Variants in UGT2A2 observed in about 807,000 individuals in gnomAD.
UGT2A2 encodes the protein UDP glucuronosyltransferase family 2 member A2.
In UGT2A2, 60 loss-of-function variants were observed where a neutral mutation model predicts 50.7. The observed-to-expected ratio is 1.18, with a 90% CI of 0.96 to 1.47. UGT2A2 has a LOEUF of 1.47. Ranked by LOEUF, UGT2A2 falls within the 40% of genes most tolerant of loss-of-function variation. The pLI, the probability that UGT2A2 is intolerant of heterozygous loss-of-function variation, is 0.00. For synonymous variants in UGT2A2, 242 were observed against 214.6 expected (o/e 1.13, Z -1.11); for missense variants, 762 against 634.0 (o/e 1.20, Z -2.17).
chr4:69,638,840 T>G (rs1475737958), intron 1 of UGT2A2, 59 bp downstream of exon 1: 1 of 1,463,352 alleles, frequency 6.8e-7, no homozygotes, highest in Non-Finnish European at 9.0e-7. Context: ...GTTTGCCATA[T>G]GACAATAAGA....
chr4:69,633,893 T>C (rs987609469), intron 1 of UGT2A2, among the ~76,000 whole-genome samples: 6 of 152,072 alleles, frequency 3.9e-5, no homozygotes, highest in African/African-American at 4.8e-5. Context: ...GGTTACTTCG[T>C]GAAACTTCAA....
intron 2 of UGT2A2, among the ~76,000 whole-genome samples, chr4:69,599,006 G>T (rs1256822705): frequency 6.6e-6 from 1 of 152,100 alleles, no homozygotes; most frequent in East Asian, 1.9e-4. Context: ...TCAAGGTGTA[G>T]ACACACTGAT....
intron 1 of UGT2A2, among the ~76,000 whole-genome samples, chr4:69,607,218 G>GCATGGT (rs1553904403): frequency 7.3e-5 from 11 of 150,074 alleles, no homozygotes; most frequent in Non-Finnish European, 1.2e-4. Context: ...TACCAAAACA[G>GCATGGT]AGATAAAGAC....
chr4:69,591,274 T>C (rs866442799), intron 5 of UGT2A2, among the ~76,000 whole-genome samples: 1 of 152,158 alleles, frequency 6.6e-6, no homozygotes, highest in African/African-American at 2.4e-5. Flanking sequence ...TTTTTACATT[T>C]TAGGAAGGCA....
chr4:69,595,281 A>G, intron 3 of UGT2A2, 32 bp from the exon 4 acceptor site: 1 of 1,609,618 alleles, frequency 6.2e-7, no homozygotes, highest in African/African-American at 1.3e-5. Flanking sequence ...TTTTGCAAGG[A>G]AAAACACAAT....
rs1408347789 is a variant in UGT2A2, at chr4:69,594,687, T to G, written c.1121A>C (p.Lys374Thr). 6.2e-7 allele frequency: 1 copy of G among 1,613,350 alleles called. No homozygotes were observed. The highest frequency in any genetic ancestry group is 8.5e-7 in the Non-Finnish European group (1 of 1,179,678). Residue 374 changes from lysine to threonine, a missense_variant, in exon 5 of 6, where the codon AAA becomes ACA. Physicochemically the swap from Lys to Thr is moderately conservative, Grantham distance 78. Transcript: ENST00000604629. ...ACCATGAGTGATAAAAGCTTTGGTTTTGGGATGTCCTAATTTGAGGATGGA... is the reference window on the plus strand; with the variant it reads ...ACCATGAGTGATAAAAGCTTTGGTTGTGGGATGTCCTAATTTGAGGATGGA... Reference protein sequence around the residue: ...IPQNDLLGHPKTKAFITHGGT... With the variant: ...IPQNDLLGHPTTKAFITHGGT...
At chr4:69,633,082 G>T (rs1721475707) in intron 1 of UGT2A2, among the ~76,000 whole-genome samples, 1 of 152,110 alleles carries the variant, frequency 6.6e-6, no homozygotes, top group African/African-American at 2.4e-5. Context: ...AATGAAGAAT[G>T]AGAAGTAAGA....
chr4:69,592,096 G>C (rs1355523045), intron 5 of UGT2A2, among the ~76,000 whole-genome samples: 1 of 152,074 alleles, frequency 6.6e-6, no homozygotes, highest in Non-Finnish European at 1.5e-5. Context: ...GAATACATTA[G>C]CCCTCGTGTC....
intron 4 of UGT2A2, 105 bp downstream of exon 4, chr4:69,595,053 CAAAT>C (rs1201162077): frequency 2.1e-6 from 3 of 1,416,866 alleles, no homozygotes; most frequent in South Asian, 1.2e-5. Flanking sequence ...AATTGAGTGT[CAAAT>C]AACATTTTAA....
At chr4:69,628,980 A>G (rs960778648) in intron 1 of UGT2A2, among the ~76,000 whole-genome samples, 2 of 151,836 alleles carry the variant, frequency 1.3e-5, no homozygotes, top group African/African-American at 4.8e-5. Context: ...ATTGATACCA[A>G]AGAGAAAGGG....
At chr4:69,620,031 C>G (rs1720651318) in intron 1 of UGT2A2, among the ~76,000 whole-genome samples, 1 of 152,028 alleles carries the variant, frequency 6.6e-6, no homozygotes, top group South Asian at 2.1e-4. Context: ...CAACACCATA[C>G]TGAATGGGGA....
At chr4:69,617,065 A>G (rs1720447526) in intron 1 of UGT2A2, among the ~76,000 whole-genome samples, 1 of 151,872 alleles carries the variant, frequency 6.6e-6, no homozygotes, top group Non-Finnish European at 1.5e-5. Context: ...GAAATTCTCA[A>G]CTTCTCTGAT....
chr4:69,625,783 A>C (rs757465153), intron 1 of UGT2A2, among the ~76,000 whole-genome samples: 3 of 151,592 alleles, frequency 2.0e-5, no homozygotes, highest in Admixed American at 6.6e-5. Flanking sequence ...AGCCCCAGGC[A>C]GGAAGACTTA....
intron 1 of UGT2A2, among the ~76,000 whole-genome samples, chr4:69,603,215 C>A (rs1343538814): frequency 7.4e-6 from 1 of 135,982 alleles, no homozygotes; most frequent in Non-Finnish European, 1.6e-5. Context: ...AATCAAGGAA[C>A]TCCAGATGAA....
At chr4:69,632,488 C>G (rs1293233261) in intron 1 of UGT2A2, among the ~76,000 whole-genome samples, 1 of 152,106 alleles carries the variant, frequency 6.6e-6, no homozygotes, top group African/African-American at 2.4e-5. Context: ...AGCATAATCT[C>G]ACGGAGGATA....
In UGT2A2 at chr4:69,596,396, T is replaced by C. The variant is rs1266692965; in HGVS notation, c.892-15A>G. On this transcript the variant is annotated splice_polypyrimidine_tract_variant and intron_variant, in intron 2 of 5. Coordinates refer to ENST00000604629, the MANE Select transcript of UGT2A2 (RefSeq NM_001105677.2). ...TCTTCCATTTCCTGCATACATAATA[T>C]ATTTTCTATTACAAAGGTGTAGCAT... The C allele has an allele frequency of 6.4e-7, 1 of 1,550,456 alleles. No homozygotes were observed. The highest frequency in any genetic ancestry group is 8.7e-7 in the Non-Finnish European group (1 of 1,146,882).
intron 1 of UGT2A2, among the ~76,000 whole-genome samples, chr4:69,628,195 A>C (rs1721193571): frequency 6.6e-6 from 1 of 151,970 alleles, no homozygotes; most frequent in Non-Finnish European, 1.5e-5. Flanking sequence ...TACCCAAAAC[A>C]ATCCAGATTC....
intron 5 of UGT2A2, among the ~76,000 whole-genome samples, chr4:69,592,733 T>C (rs1485634174): frequency 6.6e-6 from 1 of 151,676 alleles, no homozygotes; most frequent in Non-Finnish European, 1.5e-5. Context: ...AAATACTTTA[T>C]CATAGGGAAG....
chr4:69,639,349 G>A lies in UGT2A2; in HGVS notation c.292C>T (p.His98Tyr). Residue 98 changes from histidine (H) to tyrosine (Y), a missense_variant, in exon 1 of 6, where the codon CAT becomes TAT. His to Tyr is a moderately conservative substitution (Grantham distance 83). Transcript: ENST00000604629. The stretch of plus-strand genomic sequence containing the variant: ...TGGTCAATCCACAGCATTATCATAT[G>A]CTCAATTAAGGAATCTATATTGCTC... ...KKSNIDSLIE[H>Y]MIMLWIDHRP... 1 of 1,613,682 alleles carries A rather than the reference G, an allele frequency of 6.2e-7. No individual in the cohort carries two copies. The highest frequency in any genetic ancestry group is 8.5e-7 in the Non-Finnish European group (1 of 1,179,744).
Sources: gnomAD v4.1 joint callset for allele counts (sites outside exome capture counted in the v4.1 genomes callset) on GRCh38, gnomAD v4.1.1 for gene constraint, MANE v1.5 for transcripts, NCBI Gene and HGNC (gene_info 2026-07-23, HGNC 2026-07-21) for gene names.